Variants in GPHN observed in about 807,000 individuals in gnomAD.
GPHN encodes the protein gephyrin.
GPHN carries 17 observed loss-of-function variants against 95.5 expected under a neutral mutation model. The ratio of observed to expected loss-of-function variants is 0.18; its 90% CI spans 0.12 to 0.27. The LOEUF is 0.27. GPHN is among the 10% of genes least tolerant of loss of function. The pLI is 1.00. For missense variants in GPHN, 660 were observed against 978.1 expected, an observed-to-expected ratio of 0.67 and a Z score of 4.34; for synonymous variants, 320 against 322.5, an observed-to-expected ratio of 0.99 and a Z score of 0.08.
At chr14:67,555,787 A>G in the GPHN span, 2 of 1,610,280 alleles carry the variant, frequency 1.2e-6, no homozygotes, top group Admixed American at 1.7e-5. Flanking sequence ...CAGTAGGGAC[A>G]TGGCACCTAC....
chr14:66,778,353 C>T (rs2059464678), intron 3 of GPHN, among the ~76,000 whole-genome samples: 1 of 152,078 alleles, frequency 6.6e-6, no homozygotes, highest in Non-Finnish European at 1.5e-5. Context: ...TTTCTGGGTT[C>T]CTTTGAAAAC....
chr14:66,664,989 C>CAAAAAAAAAAAAAAAAAAAAAAAA (rs937401198), intron 1 of GPHN, among the ~76,000 whole-genome samples: 1 of 54,898 alleles, frequency 1.8e-5, no homozygotes, highest in Admixed American at 2.1e-4. Context: ...GCCTACCAAC[C>CAAAAAAAAAAAAAAAAAAAAAAAA]AAAAAAAAAA....
chr14:66,967,386 A>T (rs1229396970), intron 9 of GPHN, among the ~76,000 whole-genome samples: 1 of 152,042 alleles, frequency 6.6e-6, no homozygotes, highest in Non-Finnish European at 1.5e-5. Flanking sequence ...AAGACTGCTT[A>T]AGAGAATCTA....
At chr14:67,075,325 G>C (rs950147501) in intron 11 of GPHN, among the ~76,000 whole-genome samples, 1 of 152,096 alleles carries the variant, frequency 6.6e-6, no homozygotes, top group Non-Finnish European at 1.5e-5. Context: ...CTCTTATTCA[G>C]ACAAAAAGAT....
chr14:66,680,670 G>T (rs1017370334), intron 1 of GPHN, among the ~76,000 whole-genome samples: 2 of 152,144 alleles, frequency 1.3e-5, no homozygotes, highest in Non-Finnish European at 2.9e-5. Context: ...TGACTTAAGA[G>T]ATATTAATCA....
chr14:66,958,744 C>T (rs1368894363), intron 8 of GPHN, among the ~76,000 whole-genome samples: 1 of 152,046 alleles, frequency 6.6e-6, no homozygotes, highest in East Asian at 1.9e-4. Context: ...TATCAAAATG[C>T]CATTATGCAA....
the GPHN span, among the ~76,000 whole-genome samples, chr14:67,251,075 A>G: frequency 6.6e-6 from 1 of 152,228 alleles, no homozygotes; most frequent in African/African-American, 2.4e-5. Flanking sequence ...TAGTCCTATT[A>G]TAAGTGATAG....
At chr14:66,952,828 A>G (rs939245263) in intron 8 of GPHN, among the ~76,000 whole-genome samples, 1 of 151,850 alleles carries the variant, frequency 6.6e-6, no homozygotes, top group Non-Finnish European at 1.5e-5. Context: ...TCAAGTAGCT[A>G]GGATTACAGG....
intron 4 of GPHN, among the ~76,000 whole-genome samples, chr14:66,842,439 C>T (rs1036748513): frequency 6.6e-6 from 1 of 152,090 alleles, no homozygotes; most frequent in Non-Finnish European, 1.5e-5. Context: ...TTTCCAAGTA[C>T]CTCCTTGCTG....
At chr14:67,171,208 T>TA (rs34450266) in intron 21 of GPHN, among the ~76,000 whole-genome samples, 2,688 of 148,360 alleles carry the variant, frequency 0.018, 31 homozygotes, top group Non-Finnish European at 0.027. Context: ...AAAGAAAATG[T>TA]AAAAAAAAAA....
chr14:67,028,765 A>G (rs146585805), intron 10 of GPHN, among the ~76,000 whole-genome samples: 454 of 152,294 alleles, frequency 3.0e-3, no homozygotes, highest in African/African-American at 0.011. Flanking sequence ...TGTGGATATT[A>G]GTCCCTTGTC....
At chr14:67,575,492 CA>C in the GPHN span, 1 of 1,466,652 alleles carries the variant, frequency 6.8e-7, no homozygotes, top group Middle Eastern at 1.7e-4. Flanking sequence ...AGCCTCCTCA[CA>C]ATACCCACTC....
intron 11 of GPHN, among the ~76,000 whole-genome samples, chr14:67,072,254 A>T (rs2076340179): frequency 1.3e-5 from 2 of 152,158 alleles, no homozygotes; most frequent in Admixed American, 6.5e-5. Flanking sequence ...CCAGTAAAGA[A>T]GGATCTCCAA....
intron 13 of GPHN, among the ~76,000 whole-genome samples, chr14:67,106,737 GTTTTGTTTTTGT>G (rs528807842): frequency 7.2e-5 from 11 of 151,960 alleles, no homozygotes; most frequent in African/African-American, 2.4e-4. Flanking sequence ...TTATCGCTAG[GTTTTGTTTTTGT>G]TTTTGTTTTT....
At chr14:66,769,066 T>C (rs950358081) in intron 2 of GPHN, among the ~76,000 whole-genome samples, 1 of 151,942 alleles carries the variant, frequency 6.6e-6, no homozygotes, top group Non-Finnish European at 1.5e-5. Context: ...TTAATAAGTA[T>C]ACTGAAGTGG....
chr14:66,775,728 C>T (rs530816742), intron 2 of GPHN, among the ~76,000 whole-genome samples: 145 of 152,262 alleles, frequency 9.5e-4, no homozygotes, highest in African/African-American at 3.3e-3. Flanking sequence ...ATATGATACA[C>T]AGTTGGCACA....
At chr14:66,864,501 G>A (rs764409461) in intron 4 of GPHN, among the ~76,000 whole-genome samples, 15 of 152,110 alleles carry the variant, frequency 9.9e-5, no homozygotes, top group Non-Finnish European at 1.9e-4. Context: ...GGCCAGGTGC[G>A]GTGGCTCATG....
intron 1 of GPHN, among the ~76,000 whole-genome samples, chr14:66,524,518 T>C (rs1394260527): frequency 6.6e-6 from 1 of 152,300 alleles, no homozygotes; most frequent in African/African-American, 2.4e-5. Context: ...ATTATTATAC[T>C]TTAAGTTCTG....
chr14:66,900,434 A>G (rs1449805459), intron 5 of GPHN, among the ~76,000 whole-genome samples: 1 of 149,180 alleles, frequency 6.7e-6, no homozygotes, highest in Non-Finnish European at 1.5e-5. Context: ...GTATCTTTTT[A>G]TTTTTTGAGA....
Sources: allele counts gnomAD v4.1 joint callset (sites outside exome capture counted in the v4.1 genomes callset), GRCh38; gene constraint gnomAD v4.1.1; transcripts MANE v1.5; gene names NCBI Gene and HGNC (gene_info 2026-07-23, HGNC 2026-07-21).